DOCK3: variants seen among roughly 807,000 people sequenced by gnomAD.
DOCK3 encodes dedicator of cytokinesis 3.
In DOCK3, 60 loss-of-function variants were observed where a neutral mutation model predicts 265.6. The observed-to-expected ratio is 0.23, with a 90% confidence interval of 0.18 to 0.28. DOCK3 has a LOEUF of 0.28. Among genes scored for constraint, DOCK3 ranks in the 10% least tolerant of loss-of-function variants. The pLI is 1.00. For synonymous variants in DOCK3, 881 were observed against 938.0 expected (o/e 0.94, Z 1.11); for missense variants, 1,981 against 2,594.3 (o/e 0.76, Z 5.14).
chr3:50,724,886 G>A (rs1210992830), intron 1 of DOCK3, among the ~76,000 whole-genome samples: 2 of 152,004 alleles, frequency 1.3e-5, no homozygotes, highest in Non-Finnish European at 2.9e-5. Flanking sequence ...CTAGCCACTC[G>A]GGAGGCTGAG....
At chr3:50,854,013 G>A (rs1237947437) in intron 3 of DOCK3, among the ~76,000 whole-genome samples, 1 of 151,968 alleles carries the variant, frequency 6.6e-6, no homozygotes, top group Non-Finnish European at 1.5e-5. Context: ...ATTCTGACTG[G>A]TATGAGGTGG....
At chr3:51,086,755 GC>G (rs1176266837) in intron 7 of DOCK3, among the ~76,000 whole-genome samples, 1 of 152,106 alleles carries the variant, frequency 6.6e-6, no homozygotes, top group Non-Finnish European at 1.5e-5. Flanking sequence ...CCAAGATTCT[GC>G]CACTGCACTC....
chr3:50,814,102 A>G (rs557324840), intron 2 of DOCK3, among the ~76,000 whole-genome samples: 1 of 152,100 alleles, frequency 6.6e-6, no homozygotes, highest in Non-Finnish European at 1.5e-5. Context: ...ATACTTCATG[A>G]TAGATTTTAA....
chr3:51,305,109 A>G (rs1336501755), intron 27 of DOCK3, among the ~76,000 whole-genome samples: 1 of 151,982 alleles, frequency 6.6e-6, no homozygotes, highest in Admixed American at 6.6e-5. Context: ...CAAGTTTTTT[A>G]TTTCTTTGCT....
At chr3:51,051,794 C>A (rs2081003198) in intron 5 of DOCK3, among the ~76,000 whole-genome samples, 1 of 151,936 alleles carries the variant, frequency 6.6e-6, no homozygotes, top group Non-Finnish European at 1.5e-5. Context: ...TCTGGGGAGG[C>A]CTCAGGGAGC....
intron 3 of DOCK3, chr3:50,863,324 G>C: frequency 2.0e-6 from 1 of 490,560 alleles, no homozygotes. Context: ...TCAGGTCTGA[G>C]GGGAATGCAG....
intron 9 of DOCK3, among the ~76,000 whole-genome samples, chr3:51,122,878 C>A (rs2084093374): frequency 6.6e-6 from 1 of 152,226 alleles, no homozygotes; most frequent in African/African-American, 2.4e-5. Flanking sequence ...CACTTTGATA[C>A]TCTCTCCTTA....
chr3:51,262,501 C>T (rs78538691), intron 23 of DOCK3, among the ~76,000 whole-genome samples: 2 of 152,214 alleles, frequency 1.3e-5, no homozygotes, highest in African/African-American at 2.4e-5. Context: ...AAAACCAGAA[C>T]GCCTCTTCTC....
chr3:50,713,222 T>C (rs1025937634), intron 1 of DOCK3, among the ~76,000 whole-genome samples: 6 of 152,160 alleles, frequency 3.9e-5, no homozygotes, highest in African/African-American at 1.4e-4. Flanking sequence ...TTAAAACCAT[T>C]TGTGGTTCTT....
At position 51,241,314 on chromosome 3, in the gene DOCK3, T is replaced by TA. The variant is rs1339772653; in HGVS notation, c.2102+3724_2102+3725insA. ...ACTTTTAGTCTCATGAGCTTCCCTT[T>TA]GTAGGTGACCTGATCCTTCTCTCTA... is the stretch of plus-strand genomic sequence containing the variant. On this transcript the variant is annotated intron_variant, in intron 21 of 52. Transcript: ENST00000266037. 2.6e-5 allele frequency among the ~76,000 whole-genome samples: 4 copies of TA among 152,244 alleles called. No homozygotes were observed. In the East Asian group the frequency reaches 7.7e-4, roughly 29 times the overall value.
In DOCK3 at chr3:50,841,744, T is replaced by TTTTTTTTTTTTTTTTTGAGACGG; in HGVS notation, c.162+29_162+30insTTTTTTTTTTTTTTTTGAGACGG. The TTTTTTTTTTTTTTTTTGAGACGG allele has an allele frequency of 7.7e-6, 4 of 520,344 alleles. 1 individual carries two copies. The highest frequency in any genetic ancestry group is 1.2e-5 in the Non-Finnish European group (4 of 321,796). The allele number at this position is 520,344 out of a possible 1,614,324, so 32.2% of individuals were successfully genotyped here. ...ATGAAAAGTTTATTGTTACCTTTTC[T>TTTTTTTTTTTTTTTTTGAGACGG]AATGTAGGAAGGAACTACCTTGTAT... On this transcript the variant is annotated intron_variant, in intron 3 of 52. Transcript: ENST00000266037.
In DOCK3 at chr3:50,793,513, C is replaced by T. The variant is rs902771560; in HGVS notation, c.121+14755C>T. Among the ~76,000 whole-genome samples the T allele has an allele frequency of 3.0e-4, 46 of 151,870 alleles. 1 individual carries two copies. Among genetic ancestry groups the T allele is most frequent in the Non-Finnish European group, 2.1e-4 (14 of 67,962 alleles). ...GTGGGATTACAGGCATGTGCCACCA[C>T]ACCCAGCTAATTTTTGTATTTTTTA... is the stretch of plus-strand genomic sequence containing the variant. On this transcript the variant is annotated intron_variant, in intron 2 of 52. Coordinates refer to ENST00000266037, the MANE Select transcript of DOCK3 (RefSeq NM_004947.5).
intron 2 of DOCK3, among the ~76,000 whole-genome samples, chr3:50,829,968 TG>T (rs1038120644): frequency 8.5e-5 from 13 of 152,174 alleles, no homozygotes; most frequent in Admixed American, 6.5e-4. Flanking sequence ...AACTAAACTG[TG>T]CAAATAAATG....
At chr3:50,897,616 G>C (rs1182822337) in intron 4 of DOCK3, among the ~76,000 whole-genome samples, 1 of 151,966 alleles carries the variant, frequency 6.6e-6, no homozygotes, top group Admixed American at 6.6e-5. Context: ...TTGGCTGTGG[G>C]TTCATAAATA....
chr3:51,214,936 G>T (rs1437160045), intron 14 of DOCK3, among the ~76,000 whole-genome samples: 2 of 152,176 alleles, frequency 1.3e-5, no homozygotes, highest in Non-Finnish European at 2.9e-5. Context: ...ATCCAAATGG[G>T]ATATCAGAGC....
At chr3:50,697,023 T>G (rs1042122750) in intron 1 of DOCK3, among the ~76,000 whole-genome samples, 6 of 151,642 alleles carry the variant, frequency 4.0e-5, no homozygotes, top group Non-Finnish European at 5.9e-5. Context: ...CTCCACCTCC[T>G]GGGTTAAAGC....
At chr3:51,309,618 GGAGAGCGAGAGC>G (rs71084141) in intron 27 of DOCK3, among the ~76,000 whole-genome samples, 132,830 of 150,660 alleles carry the variant, frequency 0.88, 58,611 homozygotes, top group Middle Eastern at 0.93. Flanking sequence ...AGAGGGAGAG[GGAGAGCGAGAGC>G]GAGAGCGAGA....
intron 14 of DOCK3, among the ~76,000 whole-genome samples, chr3:51,224,519 C>T (rs1264088777): frequency 6.6e-6 from 1 of 152,208 alleles, no homozygotes; most frequent in Non-Finnish European, 1.5e-5. Flanking sequence ...CTGCTTCTAT[C>T]ATTATGATTC....
intron 6 of DOCK3, among the ~76,000 whole-genome samples, chr3:51,074,919 A>T (rs749801293): frequency 3.9e-5 from 6 of 152,238 alleles, no homozygotes; most frequent in Admixed American, 6.5e-5. Flanking sequence ...AGTAACTTTT[A>T]AGAGGTGAAT....
Sources: allele counts gnomAD v4.1 joint callset (sites outside exome capture counted in the v4.1 genomes callset), GRCh38; gene constraint gnomAD v4.1.1; transcripts MANE v1.5; gene names NCBI Gene and HGNC (gene_info 2026-07-23, HGNC 2026-07-21).